Variants in TGFB2 observed in about 807,000 individuals in gnomAD.
TGFB2 encodes the protein transforming growth factor beta-2 proprotein.
In TGFB2, 13 loss-of-function variants were observed where a neutral mutation model predicts 42.7. The observed-to-expected ratio is 0.30, with a 90% CI of 0.20 to 0.48. TGFB2 has a LOEUF of 0.48. Ranked by LOEUF, TGFB2 falls within the 20% of genes least tolerant of loss-of-function variation. The pLI is 0.99. For synonymous variants in TGFB2, 193 were observed against 193.6 expected (o/e 1.00, Z 0.03); for missense variants, 390 against 517.5 (o/e 0.75, Z 2.39).
chr1:218,368,382 C>T (rs1358440469), intron 1 of TGFB2, among the ~76,000 whole-genome samples: 1 of 151,936 alleles, frequency 6.6e-6, no homozygotes, highest in Non-Finnish European at 1.5e-5. Flanking sequence ...GGTGATCCAC[C>T]CACCTTGGCA....
chr1:218,437,584 C>G, intron 6 of TGFB2, 88 bp downstream of exon 6: 1 of 1,386,102 alleles, frequency 7.2e-7, no homozygotes, highest in Non-Finnish European at 9.6e-7. Flanking sequence ...TAATTAACCT[C>G]GTGCTGTCTT....
chr1:218,387,995 C>A (rs1455683049), intron 1 of TGFB2, among the ~76,000 whole-genome samples: 4 of 151,950 alleles, frequency 2.6e-5, no homozygotes, highest in Non-Finnish European at 5.9e-5. Context: ...ATCTGGAAGG[C>A]CCATAGACAG....
intron 1 of TGFB2, among the ~76,000 whole-genome samples, chr1:218,354,234 G>A (rs1445289862): frequency 2.6e-5 from 4 of 152,190 alleles, no homozygotes; most frequent in Admixed American, 2.0e-4. Flanking sequence ...GGAAGAAGAA[G>A]AATCTGTGAG....
chr1:218,368,867 G>A (rs185761436), intron 1 of TGFB2, among the ~76,000 whole-genome samples: 57 of 152,326 alleles, frequency 3.7e-4, no homozygotes, highest in African/African-American at 1.3e-3. Context: ...GATAAGTGAT[G>A]TGGGGCCTTG....
At chr1:218,440,274 G>A (rs1660110300) in intron 6 of TGFB2, among the ~76,000 whole-genome samples, 1 of 151,884 alleles carries the variant, frequency 6.6e-6, no homozygotes, top group Admixed American at 6.6e-5. Context: ...TTTCTTATAG[G>A]AGATCTTAGA....
intron 1 of TGFB2, among the ~76,000 whole-genome samples, chr1:218,396,592 T>A (rs571785973): frequency 6.6e-6 from 1 of 152,042 alleles, no homozygotes; most frequent in South Asian, 2.1e-4. Context: ...TTATATTGAG[T>A]CAAACTGTGG....
At chr1:218,415,699 G>GAAA (rs1174137652) in intron 2 of TGFB2, among the ~76,000 whole-genome samples, 3 of 61,672 alleles carry the variant, frequency 4.9e-5, no homozygotes, top group Non-Finnish European at 7.3e-5. Flanking sequence ...TGTCTCAAAA[G>GAAA]AAAAAAAAAA....
intron 1 of TGFB2, among the ~76,000 whole-genome samples, chr1:218,372,895 G>A (rs184311535): frequency 1.3e-5 from 2 of 152,236 alleles, no homozygotes; most frequent in South Asian, 2.1e-4. Context: ...AAAGTTTCCC[G>A]GCTGGGCACG....
At chr1:218,426,364 A>C (rs904723984) in intron 2 of TGFB2, among the ~76,000 whole-genome samples, 2 of 152,110 alleles carry the variant, frequency 1.3e-5, no homozygotes, top group African/African-American at 4.8e-5. Flanking sequence ...TTGCATCTAG[A>C]CTTCTACTTG....
chr1:218,390,321 A>T (rs922721736), intron 1 of TGFB2, among the ~76,000 whole-genome samples: 1 of 151,782 alleles, frequency 6.6e-6, no homozygotes, highest in Non-Finnish European at 1.5e-5. Context: ...TATATGACAG[A>T]TCTTAAGCTT....
In TGFB2 at chr1:218,434,398, A is replaced by G; in HGVS notation, c.704A>G (p.Asn235Ser). 2.5e-6 allele frequency: 4 copies of G among 1,614,072 alleles called. No homozygotes were observed. In the South Asian group the frequency reaches 4.4e-5, roughly 18 times the overall value. The change falls in exon 4 of 7, where the codon AAT becomes AGT. Residue 235 changes from asparagine to serine, a missense_variant. Transcript: ENST00000366930. The part of the protein sequence containing the change: ...HCPCCTFVPS[N>S]NYIIPNKSEE... ...CCCTGCTGCACTTTTGTACCATCTA[A>G]TAATTACATCATCCCAAATAAAAGT...
chr1:218,411,926 A>G (rs1005204733), intron 2 of TGFB2, among the ~76,000 whole-genome samples: 1 of 151,992 alleles, frequency 6.6e-6, no homozygotes, highest in Non-Finnish European at 1.5e-5. Flanking sequence ...GCCTTACTCT[A>G]TTAATCAAAT....
rs10482835 is a variant in TGFB2, at chr1:218,439,461, T to TA, written c.1087-1738dup. Among the ~76,000 whole-genome samples, 782 of 152,328 alleles carry TA rather than the reference T, an allele frequency of 5.1e-3. 5 individuals carry two copies. The highest frequency in any genetic ancestry group is 8.0e-3 in the Non-Finnish European group (542 of 68,030). On this transcript the variant is annotated intron_variant, in intron 6 of 6. Transcript: ENST00000366930. ...CAATTATTTTAGACAATCTGTATTA[T>TA]AAAAATTCCTCTTTAGTTCATATGA...
At chr1:218,407,887 T>G (rs576696703) in intron 2 of TGFB2, among the ~76,000 whole-genome samples, 2 of 152,088 alleles carry the variant, frequency 1.3e-5, no homozygotes, top group Non-Finnish European at 2.9e-5. Flanking sequence ...GAGGATGAAG[T>G]AATATTTGGA....
At chr1:218,436,266 C>A in intron 5 of TGFB2, 119 bp downstream of exon 5, 3 of 941,480 alleles carry the variant, frequency 3.2e-6, no homozygotes, top group Non-Finnish European at 4.7e-6. Flanking sequence ...AGATAGAGTG[C>A]AGTACAGCTC....
chr1:218,368,357 G>A (rs768564631), intron 1 of TGFB2, among the ~76,000 whole-genome samples: 6 of 149,178 alleles, frequency 4.0e-5, no homozygotes, highest in East Asian at 2.1e-4. Context: ...CACTGGTCTC[G>A]AACTCCTAAA....
intron 1 of TGFB2, among the ~76,000 whole-genome samples, chr1:218,357,131 G>A (rs1327084516): frequency 4.6e-5 from 7 of 151,616 alleles, no homozygotes; most frequent in African/African-American, 1.2e-4. Context: ...AGAATTGCTC[G>A]AACCCGGGAG....
At chr1:218,358,571 C>G (rs184695731) in intron 1 of TGFB2, among the ~76,000 whole-genome samples, 1,449 of 126,058 alleles carry the variant, frequency 0.011, 15 homozygotes, top group Non-Finnish European at 0.013. Context: ...TTTTTTGAGA[C>G]AGAGTCTCGC....
At chr1:218,378,285 T>C (rs1006431618) in intron 1 of TGFB2, among the ~76,000 whole-genome samples, 1 of 152,214 alleles carries the variant, frequency 6.6e-6, no homozygotes, top group African/African-American at 2.4e-5. Context: ...CATGTGATTC[T>C]CCTGCCTCAG....
Sources: allele counts gnomAD v4.1 joint callset (sites outside exome capture counted in the v4.1 genomes callset), GRCh38; gene constraint gnomAD v4.1.1; transcripts MANE v1.5; gene names NCBI Gene and HGNC (gene_info 2026-07-23, HGNC 2026-07-21).